The following ADK variants were observed in gnomAD, a reference collection of about 807,000 sequenced individuals.
ADK encodes adenosine kinase.
ADK carries 24 observed loss-of-function variants against 44.7 expected under a neutral mutation model. The observed-to-expected ratio is 0.54, with a 90% CI of 0.39 to 0.76. The LOEUF (loss-of-function observed/expected upper bound fraction) is 0.76, where lower values mean the gene tolerates loss of function less well. Among genes scored for constraint, ADK ranks in the 30% least tolerant of loss-of-function variants. The pLI is 0.00. For synonymous variants in ADK, 128 were observed against 142.6 expected (o/e 0.90, Z 0.73); for missense variants, 321 against 425.1 (o/e 0.76, Z 2.15).
At chr10:74,636,008 A>G (rs1272466574) in intron 9 of ADK, among the ~76,000 whole-genome samples, 4 of 152,022 alleles carry the variant, frequency 2.6e-5, no homozygotes, top group Non-Finnish European at 5.9e-5. Flanking sequence ...AGGTTCGTGG[A>G]GCCCAGGAGT....
At chr10:74,379,764 G>A (rs1331315123) in intron 4 of ADK, among the ~76,000 whole-genome samples, 1 of 152,176 alleles carries the variant, frequency 6.6e-6, no homozygotes. Flanking sequence ...TTAGCTGAGT[G>A]CCTTTAATCC....
intron 2 of ADK, among the ~76,000 whole-genome samples, chr10:74,207,933 C>T (rs1314417749): frequency 6.6e-6 from 1 of 152,174 alleles, no homozygotes; most frequent in Non-Finnish European, 1.5e-5. Context: ...TTGCTGGCCC[C>T]ATTGAGCTGC....
rs61491732 is a variant in ADK at position 74,190,981 on chromosome 10, C to CTT, written c.66-9767_66-9766dup. Among the ~76,000 whole-genome samples the CTT allele has an allele frequency of 8.1e-3, 1,092 of 134,926 alleles. 20 individuals are homozygous for CTT. The highest frequency in any genetic ancestry group is 0.022 in the African/African-American group (795 of 36,244). The allele number at this position is 134,926 out of a possible 152,430, so 88.5% of individuals were successfully genotyped here. ...GAGTTCTGAAAAAGGCTATTTTTGA[C>CTT]TTTTTTTTTTTTTTTTTGAGATGCA... On this transcript the variant is annotated intron_variant, in intron 1 of 10. Transcript: ENST00000539909.
chr10:74,443,953 C>T (rs1403937155), intron 6 of ADK, among the ~76,000 whole-genome samples: 3 of 151,828 alleles, frequency 2.0e-5, no homozygotes, highest in Non-Finnish European at 4.4e-5. Flanking sequence ...CCACTGTAAC[C>T]CCTATTGGAT....
chr10:74,175,851 C>G (rs775795275), intron 1 of ADK, among the ~76,000 whole-genome samples: 2 of 152,192 alleles, frequency 1.3e-5, no homozygotes, highest in Non-Finnish European at 2.9e-5. Context: ...TACTGATTCC[C>G]CCCTTTTCAT....
intron 1 of ADK, among the ~76,000 whole-genome samples, chr10:74,155,890 A>G (rs750462070): frequency 1.3e-4 from 20 of 152,118 alleles, no homozygotes; most frequent in Non-Finnish European, 1.8e-4. Context: ...TTCTTTTTTC[A>G]TCATGATAAT....
intron 1 of ADK, among the ~76,000 whole-genome samples, chr10:74,176,278 C>T (rs1462688768): frequency 6.6e-6 from 1 of 152,186 alleles, no homozygotes; most frequent in Admixed American, 6.5e-5. Flanking sequence ...GTCGTGCTGC[C>T]GTTGCCAGGC....
chr10:74,504,173 TA>T (rs1340306964), intron 6 of ADK, among the ~76,000 whole-genome samples: 1 of 152,114 alleles, frequency 6.6e-6, no homozygotes, highest in East Asian at 1.9e-4. Context: ...GTTTCAAAAT[TA>T]AATTTTGCTA....
intron 4 of ADK, among the ~76,000 whole-genome samples, chr10:74,333,967 T>C (rs1397838175): frequency 6.6e-6 from 1 of 152,204 alleles, no homozygotes; most frequent in African/African-American, 2.4e-5. Context: ...AATTTATTTT[T>C]CAAAAAATAC....
rs1424169448 is a variant in ADK at position 74,480,709 on chromosome 10, CT to C, written c.556-44545del. On this transcript the variant is annotated intron_variant, in intron 6 of 10. Transcript: ENST00000539909. ...TTACCAGGATGTGTCTTAGACCTTT[CT>C]TGTTTGGGGTCAGTTTTTCCAGGTA... is the stretch of plus-strand genomic sequence containing the variant. Among the ~76,000 whole-genome samples, 306 of 152,192 alleles carry C rather than the reference CT, an allele frequency of 2.0e-3. 3 individuals carry two copies. The highest frequency in any genetic ancestry group is 2.3e-3 in the East Asian group (12 of 5,182).
At chr10:74,578,126 T>C (rs1851259108) in intron 7 of ADK, among the ~76,000 whole-genome samples, 1 of 152,126 alleles carries the variant, frequency 6.6e-6, no homozygotes, top group Non-Finnish European at 1.5e-5. Context: ...GGACATTGGT[T>C]CACATTTGAA....
chr10:74,567,910 AG>A (rs1350871428), intron 7 of ADK, among the ~76,000 whole-genome samples: 2 of 151,994 alleles, frequency 1.3e-5, no homozygotes, highest in Non-Finnish European at 2.9e-5. Flanking sequence ...CGAGTTAGCC[AG>A]GATGGTCTCA....
At position 74,213,382 on chromosome 10, in the gene ADK, T is replaced by G. The variant is rs147710981; in HGVS notation, c.141-11156T>G. 9.3e-4 allele frequency among the ~76,000 whole-genome samples: 141 copies of G among 152,324 alleles called. 1 individual carries two copies. Among genetic ancestry groups the G allele is most frequent in the Middle Eastern group, 6.8e-3 (2 of 294 alleles). ...AAGTGCTGGGATTACACATGTGAGC[T>G]ACAGTGCCTTGCCTGGACTCTTTAA... is the stretch of plus-strand genomic sequence containing the variant. On this transcript the variant is annotated intron_variant, in intron 2 of 10. Transcript: ENST00000539909.
chr10:74,417,931 A>C (rs955820400), intron 6 of ADK, among the ~76,000 whole-genome samples: 2 of 152,114 alleles, frequency 1.3e-5, no homozygotes, highest in African/African-American at 4.8e-5. Flanking sequence ...CTATATTCTT[A>C]GTGTTGGGTG....
chr10:74,578,841 G>T (rs2076265997), intron 7 of ADK, among the ~76,000 whole-genome samples: 1 of 152,170 alleles, frequency 6.6e-6, no homozygotes, highest in Admixed American at 6.5e-5. Context: ...GTAGATTATG[G>T]TAAAGTAGAA....
At chr10:74,436,014 G>C (rs960940274) in intron 6 of ADK, among the ~76,000 whole-genome samples, 12 of 152,100 alleles carry the variant, frequency 7.9e-5, no homozygotes. Flanking sequence ...AATTACAAAA[G>C]ACAGTATAAT....
At chr10:74,226,592 C>G (rs913613557) in intron 3 of ADK, among the ~76,000 whole-genome samples, 1 of 151,696 alleles carries the variant, frequency 6.6e-6, no homozygotes, top group Non-Finnish European at 1.5e-5. Flanking sequence ...ATATGCTTCT[C>G]TCTAAATATT....
chr10:74,632,821 A>C (rs1026203040), intron 9 of ADK, among the ~76,000 whole-genome samples: 3 of 152,202 alleles, frequency 2.0e-5, no homozygotes, highest in African/African-American at 7.2e-5. Flanking sequence ...CAGTTAATGG[A>C]ATTTCATTCC....
At chr10:74,383,973 C>T (rs1157260558) in intron 4 of ADK, among the ~76,000 whole-genome samples, 2 of 152,118 alleles carry the variant, frequency 1.3e-5, no homozygotes, top group Admixed American at 6.6e-5. Context: ...GTAGTGTGTC[C>T]TGATCTCCAT....
Sources: allele counts gnomAD v4.1 joint callset (sites outside exome capture counted in the v4.1 genomes callset), GRCh38; gene constraint gnomAD v4.1.1; transcripts MANE v1.5; gene names NCBI Gene and HGNC (gene_info 2026-07-23, HGNC 2026-07-21).